Variants in KIF18A observed in about 807,000 individuals in gnomAD.
KIF18A encodes the protein kinesin-like protein KIF18A.
KIF18A carries 67 observed loss-of-function variants against 103.3 expected under a neutral mutation model. That is an observed-to-expected ratio of 0.65 (90% CI 0.53 to 0.79). KIF18A has a LOEUF of 0.79. KIF18A is among the 30% of genes least tolerant of loss of function. The pLI is 0.00. For missense variants in KIF18A, 1,032 were observed against 1,062.5 expected, an observed-to-expected ratio of 0.97 and a Z score of 0.40; for synonymous variants, 367 against 355.5, an observed-to-expected ratio of 1.03 and a Z score of -0.36.
intron 15 of KIF18A, among the ~76,000 whole-genome samples, chr11:28,030,551 A>C (rs1428924574): frequency 2.6e-5 from 4 of 152,178 alleles, no homozygotes; most frequent in African/African-American, 4.8e-5. Flanking sequence ...TAAAGACTTA[A>C]ATGTTAGAGC....
chr11:28,100,478 G>A (rs1302769586), intron 1 of KIF18A, among the ~76,000 whole-genome samples: 1 of 140,554 alleles, frequency 7.1e-6, no homozygotes, highest in Non-Finnish European at 1.5e-5. Context: ...CAGTAGTGGG[G>A]AAAAAACCCG....
chr11:28,048,547 G>A (rs929395647), intron 13 of KIF18A, among the ~76,000 whole-genome samples: 26 of 151,902 alleles, frequency 1.7e-4, no homozygotes, highest in African/African-American at 6.3e-4. Context: ...AACCACAAAT[G>A]TATGCTTAGA....
chr11:28,096,008 C>CAAAAAAAAAA (rs752176368), intron 2 of KIF18A, among the ~76,000 whole-genome samples: 2 of 73,742 alleles, frequency 2.7e-5, no homozygotes, highest in Non-Finnish European at 5.4e-5. Context: ...AAGACTTCAT[C>CAAAAAAAAAA]AAAAAAAAAA....
Position 28,094,786 on chromosome 11 carries a change from C to T in KIF18A, c.340G>A (p.Ala114Thr). The T allele has an allele frequency of 6.2e-7, 1 of 1,613,898 alleles. No individual in the cohort carries two copies. The highest frequency in any genetic ancestry group is 8.5e-7 in the Non-Finnish European group (1 of 1,179,880). The stretch of plus-strand genomic sequence containing the variant: ...GTGTGGGTCTTCCCAGCACCAGTGG[C>T]ACCATAGGCAAGTACTGAGTTTTTA... ...GYNCTVLAYG[A>T]TGAGKTHTML... Residue 114 changes from alanine to threonine, a missense_variant, in exon 3 of 17, where the codon GCC (alanine) becomes ACC (threonine). Transcript: ENST00000263181.
intron 6 of KIF18A, among the ~76,000 whole-genome samples, chr11:28,087,400 C>T (rs578145673): frequency 1.3e-5 from 2 of 152,182 alleles, no homozygotes; most frequent in African/African-American, 4.8e-5. Flanking sequence ...ATCCATGTGC[C>T]TGTAAAGGAC....
intron 3 of KIF18A, among the ~76,000 whole-genome samples, chr11:28,094,437 A>G (rs946739947): frequency 3.3e-5 from 5 of 151,888 alleles, no homozygotes; most frequent in African/African-American, 1.2e-4. Flanking sequence ...TCTTTGTACT[A>G]TTGTTGCAAC....
chr11:28,099,027 T>C (rs1404344108), intron 1 of KIF18A, among the ~76,000 whole-genome samples: 2 of 152,150 alleles, frequency 1.3e-5, no homozygotes, highest in African/African-American at 4.8e-5. Flanking sequence ...TGAAGAGATA[T>C]TTGCCCTGCC....
At position 28,105,375 on chromosome 11, in the gene KIF18A, G is replaced by A. The variant is rs371456881; in HGVS notation, c.-47+2689C>T. ...TATAACCCTCAGAAATTTTCTTATA[G>A]AAGTTAAAAATATATATATTGCTTA... is the stretch of plus-strand genomic sequence containing the variant. On this transcript the variant is annotated intron_variant, in intron 1 of 16. Transcript: ENST00000263181. Among the ~76,000 whole-genome samples the A allele has an allele frequency of 3.3e-5, 5 of 152,020 alleles. No individual in the cohort carries two copies. In the East Asian group the frequency reaches 5.8e-4, roughly 18 times the overall value.
At chr11:28,100,111 T>C (rs1182300860) in intron 1 of KIF18A, among the ~76,000 whole-genome samples, 1 of 151,946 alleles carries the variant, frequency 6.6e-6, no homozygotes, top group Non-Finnish European at 1.5e-5. Flanking sequence ...GCTTGAGAAT[T>C]AGAAGGATAA....
chr11:28,047,056 GAAAAAAA>G lies in KIF18A; in HGVS notation c.1949-10399_1949-10393del, dbSNP rs60204007. ...GCAACAAGAGCAACACTTCGTCTCA[GAAAAAAA>G]AAAAAAAAAAAAAAAGAGAAAGAAA... On this transcript the variant is annotated intron_variant, in intron 13 of 16. Coordinates refer to ENST00000263181, the MANE Select transcript of KIF18A (RefSeq NM_031217.4). Among the ~76,000 whole-genome samples the G allele has an allele frequency of 1.1e-3, 81 of 71,142 alleles. 1 individual carries two copies. The East Asian group carries it at 0.031, about 27-fold the overall frequency. The allele number at this position is 71,142 out of a possible 152,430, so 46.7% of individuals were successfully genotyped here.
chr11:28,062,046 G>A (rs1305280851), intron 12 of KIF18A, among the ~76,000 whole-genome samples: 1 of 152,054 alleles, frequency 6.6e-6, no homozygotes, highest in Non-Finnish European at 1.5e-5. Context: ...AAAAATTCAA[G>A]TGATGTTAAC....
rs777649400 is a variant in KIF18A, at chr11:28,036,670, C to G, written c.1949-6G>C. 1.3e-6 allele frequency: 2 copies of G among 1,517,290 alleles called. No homozygotes were observed. Among genetic ancestry groups the G allele is most frequent in the Non-Finnish European group, 1.8e-6 (2 of 1,127,918 alleles). The allele number at this position is 1,517,290 out of a possible 1,614,324, so 94.0% of individuals were successfully genotyped here. On this transcript the variant is annotated splice_region_variant and splice_polypyrimidine_tract_variant and intron_variant, in intron 13 of 16. Coordinates refer to ENST00000263181, the MANE Select transcript of KIF18A (RefSeq NM_031217.4). ...AGTTCCACCTGAAGATGAGCCTATT[C>G]AAAAAAATAAAAAAAGACACTCGAT...
At chr11:28,044,567 T>C (rs1850605206) in intron 13 of KIF18A, among the ~76,000 whole-genome samples, 1 of 152,116 alleles carries the variant, frequency 6.6e-6, no homozygotes, top group South Asian at 2.1e-4. Flanking sequence ...GTTCTATTCA[T>C]CTGTTCCTGC....
At chr11:28,066,573 AC>A (rs1194619231) in intron 11 of KIF18A, among the ~76,000 whole-genome samples, 1 of 151,774 alleles carries the variant, frequency 6.6e-6, no homozygotes, top group African/African-American at 2.4e-5. Context: ...TTTAAAAAAA[AC>A]GTGCTATAGT....
At chr11:28,065,304 A>C (rs1350229808) in intron 11 of KIF18A, among the ~76,000 whole-genome samples, 1 of 151,990 alleles carries the variant, frequency 6.6e-6, no homozygotes, top group Non-Finnish European at 1.5e-5. Flanking sequence ...TAACTAGATA[A>C]TTTTCTCAGC....
chr11:28,059,619 A>G (rs1850833116), intron 12 of KIF18A, among the ~76,000 whole-genome samples: 1 of 151,710 alleles, frequency 6.6e-6, no homozygotes, highest in Non-Finnish European at 1.5e-5. Flanking sequence ...TTTGGTAGAG[A>G]TGGGGTCTTG....
At chr11:28,095,137 G>A (rs1179928629) in intron 2 of KIF18A, among the ~76,000 whole-genome samples, 2 of 152,110 alleles carry the variant, frequency 1.3e-5, no homozygotes, top group Non-Finnish European at 2.9e-5. Flanking sequence ...AAAGAAATTG[G>A]AATACGTTAA....
chr11:28,051,404 AAC>A (rs1278320647), intron 13 of KIF18A, among the ~76,000 whole-genome samples: 1 of 151,958 alleles, frequency 6.6e-6, no homozygotes, highest in African/African-American at 2.4e-5. Context: ...CTGTACAAAA[AAC>A]ACAGTGGCTG....
chr11:28,092,215 T>G (rs1330787936), intron 3 of KIF18A, among the ~76,000 whole-genome samples: 1 of 151,776 alleles, frequency 6.6e-6, no homozygotes, highest in Non-Finnish European at 1.5e-5. Flanking sequence ...GTGGAAGATA[T>G]CTATTATTTC....
Sources: gnomAD v4.1 joint callset for allele counts (sites outside exome capture counted in the v4.1 genomes callset) on GRCh38, gnomAD v4.1.1 for gene constraint, MANE v1.5 for transcripts, NCBI Gene and HGNC (gene_info 2026-07-23, HGNC 2026-07-21) for gene names.